HS3ST5: variants seen among roughly 807,000 people sequenced by gnomAD.
HS3ST5 encodes the protein heparan sulfate-glucosamine 3-sulfotransferase 5.
HS3ST5 carries 10 observed loss-of-function variants against 25.4 expected under a neutral mutation model. The ratio of observed to expected loss-of-function variants is 0.39; its 90% CI spans 0.24 to 0.67. HS3ST5 has a LOEUF of 0.67. Among genes scored for constraint, HS3ST5 ranks in the 30% least tolerant of loss-of-function variants. The pLI, the probability that HS3ST5 is intolerant of heterozygous loss-of-function variation, is 0.44. For synonymous variants in HS3ST5, 170 were observed against 162.4 expected, an observed-to-expected ratio of 1.05 and a Z score of -0.36; for missense variants, 324 against 420.7, an observed-to-expected ratio of 0.77 and a Z score of 2.01.
At chr6:114,134,616 C>T (rs1188551587) in intron 3 of HS3ST5, among the ~76,000 whole-genome samples, 1 of 152,260 alleles carries the variant, frequency 6.6e-6, no homozygotes, top group Non-Finnish European at 1.5e-5. Flanking sequence ...CTGCTCGGGC[C>T]TTACCCCAGA....
intron 2 of HS3ST5, among the ~76,000 whole-genome samples, chr6:114,215,753 A>G (rs1388456145): frequency 6.6e-6 from 1 of 152,058 alleles, no homozygotes; most frequent in Non-Finnish European, 1.5e-5. Flanking sequence ...GTTATTTCAC[A>G]TTGTTATTAA....
At chr6:114,301,926 C>G (rs1257747008) in intron 1 of HS3ST5, among the ~76,000 whole-genome samples, 1 of 152,158 alleles carries the variant, frequency 6.6e-6, no homozygotes, top group South Asian at 2.1e-4. Flanking sequence ...TCATGAATAA[C>G]TGCAAGTTGA....
chr6:114,302,790 A>G (rs1775134181), intron 1 of HS3ST5, among the ~76,000 whole-genome samples: 1 of 152,138 alleles, frequency 6.6e-6, no homozygotes, highest in South Asian at 2.1e-4. Flanking sequence ...TGTCTTCATT[A>G]TTCATAGTTG....
chr6:114,093,082 A>T (rs1258330663), intron 3 of HS3ST5, among the ~76,000 whole-genome samples: 1 of 152,272 alleles, frequency 6.6e-6, no homozygotes, highest in Non-Finnish European at 1.5e-5. Context: ...AGGATTGTGG[A>T]AGTTCAATAA....
intron 1 of HS3ST5, among the ~76,000 whole-genome samples, chr6:114,310,299 A>T (rs1041491851): frequency 6.6e-6 from 1 of 152,210 alleles, no homozygotes; most frequent in Non-Finnish European, 1.5e-5. Context: ...ACTATATGCC[A>T]ATGGTCAGGG....
intron 1 of HS3ST5, among the ~76,000 whole-genome samples, chr6:114,304,961 G>T (rs1345205241): frequency 6.6e-6 from 1 of 152,062 alleles, no homozygotes; most frequent in East Asian, 1.9e-4. Flanking sequence ...ATAGCTGTGG[G>T]TATTTTTCTT....
chr6:114,231,817 A>G (rs189464414), intron 1 of HS3ST5, among the ~76,000 whole-genome samples: 2 of 152,018 alleles, frequency 1.3e-5, no homozygotes, highest in East Asian at 3.9e-4. Flanking sequence ...TGTAAAATGC[A>G]GCCTCTGGAA....
At chr6:114,147,310 G>T (rs1009479068) in intron 3 of HS3ST5, among the ~76,000 whole-genome samples, 5 of 152,172 alleles carry the variant, frequency 3.3e-5, no homozygotes, top group Non-Finnish European at 5.9e-5. Flanking sequence ...GCAGCTAAAT[G>T]TGGCCATGTG....
intron 3 of HS3ST5, among the ~76,000 whole-genome samples, chr6:114,139,711 C>A (rs1777812412): frequency 6.6e-6 from 1 of 152,168 alleles, no homozygotes; most frequent in Admixed American, 6.5e-5. Flanking sequence ...TCTCAACTAC[C>A]ATTTATGCAT....
chr6:114,220,381 A>C (rs2114484876), intron 2 of HS3ST5, among the ~76,000 whole-genome samples: 1 of 152,086 alleles, frequency 6.6e-6, no homozygotes, highest in South Asian at 2.1e-4. Context: ...GAATATATTA[A>C]CTTTCTGCTC....
At chr6:114,173,545 C>T (rs1267610969) in intron 2 of HS3ST5, among the ~76,000 whole-genome samples, 2 of 152,128 alleles carry the variant, frequency 1.3e-5, no homozygotes, top group Non-Finnish European at 2.9e-5. Flanking sequence ...TTAAATTTAG[C>T]TACTAAATTG....
chr6:114,062,995 C>A (rs996864068), intron 3 of HS3ST5, 118 bp from the exon 4 acceptor site: 2 of 584,816 alleles, frequency 3.4e-6, no homozygotes, highest in Non-Finnish European at 3.1e-6. Context: ...GATCCCATAC[C>A]AACTCTCACA....
chr6:114,107,608 A>T (rs1186848820), intron 3 of HS3ST5, among the ~76,000 whole-genome samples: 1 of 152,226 alleles, frequency 6.6e-6, no homozygotes, highest in Non-Finnish European at 1.5e-5. Context: ...TGACATGATT[A>T]CATAGAAAGA....
chr6:114,332,280 C>T (rs534283226), intron 1 of HS3ST5, among the ~76,000 whole-genome samples: 58 of 152,260 alleles, frequency 3.8e-4, no homozygotes, highest in Admixed American at 3.3e-3. Context: ...CCACCAGGCA[C>T]ATTGTCCCCA....
chr6:114,084,617 A>G (rs909097776), intron 3 of HS3ST5: 6 of 794,598 alleles, frequency 7.6e-6, no homozygotes, highest in African/African-American at 1.7e-5. Context: ...TTACAGAGCA[A>G]TGCTAGGTAG....
At chr6:114,109,486 T>C (rs1260079696) in intron 3 of HS3ST5, among the ~76,000 whole-genome samples, 1 of 152,180 alleles carries the variant, frequency 6.6e-6, no homozygotes, top group African/African-American at 2.4e-5. Context: ...CCAGTAGCTC[T>C]GGAGCCAAGG....
At chr6:114,334,410 G>A (rs897821585) in intron 1 of HS3ST5, among the ~76,000 whole-genome samples, 1 of 152,144 alleles carries the variant, frequency 6.6e-6, no homozygotes, top group Non-Finnish European at 1.5e-5. Flanking sequence ...CTCACCAGAT[G>A]AGGACATTCC....
intron 1 of HS3ST5, among the ~76,000 whole-genome samples, chr6:114,279,791 T>C (rs1163368081): frequency 1.3e-5 from 2 of 151,970 alleles, no homozygotes; most frequent in East Asian, 3.9e-4. Context: ...TTGGGAGATT[T>C]TGGACAAGCT....
In HS3ST5 at chr6:114,321,735, T is replaced by G. The variant is rs73767438; in HGVS notation, c.-339+20460A>C. On this transcript the variant is annotated intron_variant, in intron 1 of 4. Coordinates refer to ENST00000312719, the MANE Select transcript of HS3ST5 (RefSeq NM_153612.4). Reference sequence around the variant, plus strand: ...CAATATACAATGTTCTAGCAAAATATGCATGTCAATGTATCTTTTTACACA... The same window carrying G: ...CAATATACAATGTTCTAGCAAAATAGGCATGTCAATGTATCTTTTTACACA... 2.4e-3 allele frequency among the ~76,000 whole-genome samples: 367 copies of G among 152,268 alleles called. 1 individual carries two copies. Among genetic ancestry groups the G allele is most frequent in the African/African-American group, 8.3e-3 (347 of 41,562 alleles).
Sources: gnomAD v4.1 joint callset for allele counts (sites outside exome capture counted in the v4.1 genomes callset) on GRCh38, gnomAD v4.1.1 for gene constraint, MANE v1.5 for transcripts, NCBI Gene and HGNC (gene_info 2026-07-23, HGNC 2026-07-21) for gene names.